The following TNFRSF21 variants were observed in gnomAD, a reference collection of about 807,000 sequenced individuals.
TNFRSF21 encodes the protein tumor necrosis factor receptor superfamily member 21.
In TNFRSF21, 19 loss-of-function variants were observed where a neutral mutation model predicts 45.6. The observed-to-expected ratio is 0.42, with a 90% CI of 0.29 to 0.61. The LOEUF (loss-of-function observed/expected upper bound fraction) is 0.61. Ranked by LOEUF, TNFRSF21 falls within the 20% of genes least tolerant of loss-of-function variation. TNFRSF21 has a pLI of 0.23. For synonymous variants in TNFRSF21, 314 were observed against 335.5 expected, an observed-to-expected ratio of 0.94 and a Z score of 0.70; for missense variants, 737 against 851.5, an observed-to-expected ratio of 0.87 and a Z score of 1.67.
intron 3 of TNFRSF21, among the ~76,000 whole-genome samples, chr6:47,275,794 T>TGG (rs1762488212): frequency 6.6e-6 from 1 of 152,130 alleles, no homozygotes; most frequent in African/African-American, 2.4e-5. Flanking sequence ...TTCAAAAGCC[T>TGG]GGGGGAAAGC....
chr6:47,254,081 G>A (rs1210559703), intron 3 of TNFRSF21, among the ~76,000 whole-genome samples: 1 of 152,124 alleles, frequency 6.6e-6, no homozygotes, highest in Non-Finnish European at 1.5e-5. Context: ...CTTTATGGCC[G>A]CTGGCATATC....
intron 3 of TNFRSF21, among the ~76,000 whole-genome samples, chr6:47,280,689 A>T (rs140164137): frequency 3.0e-3 from 454 of 152,332 alleles, no homozygotes; most frequent in African/African-American, 0.01. Flanking sequence ...TGTTTTAAGG[A>T]CACAGGCATA....
At chr6:47,289,448 T>C (rs779511043) in intron 1 of TNFRSF21, among the ~76,000 whole-genome samples, 1 of 152,226 alleles carries the variant, frequency 6.6e-6, no homozygotes, top group Non-Finnish European at 1.5e-5. Flanking sequence ...ATTCATTTTT[T>C]CTGTCGAGAC....
chr6:47,281,239 A>G (rs1762563567), intron 3 of TNFRSF21, among the ~76,000 whole-genome samples: 1 of 151,994 alleles, frequency 6.6e-6, no homozygotes, highest in Admixed American at 6.6e-5. Context: ...AGGGGATAAA[A>G]GGCCATAAAA....
At chr6:47,301,853 G>A (rs1033459913) in intron 1 of TNFRSF21, among the ~76,000 whole-genome samples, 5 of 152,106 alleles carry the variant, frequency 3.3e-5, no homozygotes, top group Non-Finnish European at 7.4e-5. Flanking sequence ...ACCCAGTCTT[G>A]GGTATTCCTT....
chr6:47,233,289 T>C (rs1764614684), intron 5 of TNFRSF21, among the ~76,000 whole-genome samples: 1 of 152,208 alleles, frequency 6.6e-6, no homozygotes, highest in East Asian at 1.9e-4. Flanking sequence ...TTGCCTAGAC[T>C]TAAGTAACTT....
intron 4 of TNFRSF21, among the ~76,000 whole-genome samples, chr6:47,240,199 T>C (rs925649424): frequency 6.6e-6 from 1 of 152,204 alleles, no homozygotes. Context: ...CTCCTTACAG[T>C]AAAGTCGCTG....
chr6:47,270,227 C>G (rs1335616204), intron 3 of TNFRSF21, among the ~76,000 whole-genome samples: 1 of 152,152 alleles, frequency 6.6e-6, no homozygotes, highest in Admixed American at 6.5e-5. Flanking sequence ...CTGGGACTCA[C>G]CTCCCAACAG....
At chr6:47,298,364 A>G (rs998932547) in intron 1 of TNFRSF21, among the ~76,000 whole-genome samples, 20 of 151,304 alleles carry the variant, frequency 1.3e-4, no homozygotes, top group African/African-American at 4.9e-4. Flanking sequence ...TAGGAGGATC[A>G]CTCGAGCCCA....
intron 4 of TNFRSF21, among the ~76,000 whole-genome samples, chr6:47,252,089 C>T (rs1764908693): frequency 6.6e-6 from 1 of 152,154 alleles, no homozygotes; most frequent in East Asian, 1.9e-4. Flanking sequence ...TCAAGAATTA[C>T]TGCGCTATCA....
intron 4 of TNFRSF21, among the ~76,000 whole-genome samples, chr6:47,236,731 A>G (rs2281453): frequency 0.31 from 47,225 of 152,036 alleles, 8,233 homozygotes; most frequent in East Asian, 0.57. Flanking sequence ...GCCCTGGCGC[A>G]TGCCCCTCCT....
At chr6:47,259,644 G>A (rs145088905) in intron 3 of TNFRSF21, among the ~76,000 whole-genome samples, 1,727 of 152,258 alleles carry the variant, frequency 0.011, 11 homozygotes, top group Non-Finnish European at 0.019. Context: ...CAAAATGCTG[G>A]GATTACGGGT....
intron 1 of TNFRSF21, among the ~76,000 whole-genome samples, chr6:47,296,293 A>T (rs1013633040): frequency 5.9e-5 from 9 of 152,174 alleles, no homozygotes; most frequent in Non-Finnish European, 1.2e-4. Flanking sequence ...CGCATAAACA[A>T]AACCTATTAA....
intron 1 of TNFRSF21, among the ~76,000 whole-genome samples, chr6:47,308,374 C>T (rs79934403): frequency 0.032 from 4,815 of 152,210 alleles, 104 homozygotes; most frequent in African/African-American, 0.065. Flanking sequence ...GCTCTTGTTT[C>T]TTGGGGGTTT....
intron 1 of TNFRSF21, among the ~76,000 whole-genome samples, chr6:47,307,089 T>C (rs1345289978): frequency 6.6e-6 from 1 of 152,152 alleles, no homozygotes; most frequent in African/African-American, 2.4e-5. Flanking sequence ...AGGCATTTCC[T>C]CCCCACCCTG....
intron 3 of TNFRSF21, among the ~76,000 whole-genome samples, chr6:47,274,757 A>T (rs978919607): frequency 3.9e-5 from 6 of 152,180 alleles, no homozygotes; most frequent in African/African-American, 7.2e-5. Context: ...AGGGCTAATA[A>T]CCAGAATCTA....
At chr6:47,241,408 C>A (rs1330727061) in intron 4 of TNFRSF21, among the ~76,000 whole-genome samples, 3 of 152,082 alleles carry the variant, frequency 2.0e-5, no homozygotes, top group African/African-American at 7.2e-5. Flanking sequence ...TAAAATTATT[C>A]TTCTGAGTGT....
intron 1 of TNFRSF21, among the ~76,000 whole-genome samples, chr6:47,300,674 T>C (rs1047781693): frequency 2.0e-4 from 31 of 152,200 alleles, no homozygotes; most frequent in African/African-American, 6.0e-4. Flanking sequence ...CACCGTAATC[T>C]TTCTATTCTC....
At chr6:47,240,487 G>A (rs1195687918) in intron 4 of TNFRSF21, among the ~76,000 whole-genome samples, 3 of 152,212 alleles carry the variant, frequency 2.0e-5, no homozygotes, top group Non-Finnish European at 4.4e-5. Context: ...TGAGGAAACT[G>A]AGGCTCTAAG....
Sources: gnomAD v4.1 joint callset for allele counts (sites outside exome capture counted in the v4.1 genomes callset) on GRCh38, gnomAD v4.1.1 for gene constraint, MANE v1.5 for transcripts, NCBI Gene and HGNC (gene_info 2026-07-23, HGNC 2026-07-21) for gene names.